Variants in TYW1 observed in about 807,000 individuals in gnomAD.
TYW1 encodes S-adenosyl-L-methionine-dependent tRNA 4-demethylwyosine synthase TYW1.
A neutral mutation model predicts 96.2 loss-of-function variants in TYW1; 46 were observed. The observed-to-expected ratio is 0.48, with a 90% CI of 0.38 to 0.61. TYW1 has a LOEUF of 0.61. Among genes scored for constraint, TYW1 ranks in the 20% least tolerant of loss-of-function variants. The pLI is 0.00. For missense variants in TYW1, 684 were observed against 909.6 expected (o/e 0.75, Z 3.19); for synonymous variants, 274 against 323.0 (o/e 0.85, Z 1.63).
intron 12 of TYW1, among the ~76,000 whole-genome samples, chr7:67,103,957 C>T (rs1797165055): frequency 6.6e-6 from 1 of 152,168 alleles, no homozygotes; most frequent in African/African-American, 2.4e-5. Context: ...TTTGACCTTA[C>T]ACACACACTA....
intron 15 of TYW1, among the ~76,000 whole-genome samples, chr7:67,210,464 C>T (rs890106436): frequency 1.3e-5 from 2 of 152,132 alleles, no homozygotes; most frequent in African/African-American, 2.4e-5. Flanking sequence ...ATACTGTGCT[C>T]TTTGGGAGGA....
rs1800985501 is a variant in TYW1, at chr7:67,210,823, TGTC to T, written c.1977+15487_1977+15489del. On this transcript the variant is annotated intron_variant, in intron 15 of 15. Coordinates refer to ENST00000359626, the MANE Select transcript of TYW1 (RefSeq NM_018264.4). Reference sequence around the variant, plus strand: ...TGTGTCTATCTGTCCAGCTAATCTCTGTCTATTCATCCATCTATCAATCCATCC... The same window carrying T: ...TGTGTCTATCTGTCCAGCTAATCTCTTATTCATCCATCTATCAATCCATCC... Among the ~76,000 whole-genome samples the T allele has an allele frequency of 3.6e-5, 3 of 82,644 alleles. No individual in the cohort carries two copies. The South Asian group carries it at 1.2e-3, about 34-fold the overall frequency. The allele number at this position is 82,644 out of a possible 152,430, so 54.2% of individuals were successfully genotyped here.
intron 10 of TYW1, among the ~76,000 whole-genome samples, chr7:67,075,983 C>T (rs1796190347): frequency 6.6e-6 from 1 of 152,174 alleles, no homozygotes. Flanking sequence ...TTCTTAGCTC[C>T]CACAATTTAG....
In TYW1 at chr7:67,183,156, G is replaced by A. The variant is rs754218013; in HGVS notation, c.1729G>A (p.Val577Met). The change falls in exon 14 of 16, where the codon GTG becomes ATG. Residue 577 changes from valine to methionine, a missense_variant. Coordinates refer to ENST00000359626, the MANE Select transcript of TYW1 (RefSeq NM_018264.4). ...QQRTVYRLTL[V>M]KAWNVDELQA... ...ACGAACTGTCTACAGACTGACGCTCGTGAAAGCATGGAACGTGGACGAGCT... is the reference window on the plus strand; with the variant it reads ...ACGAACTGTCTACAGACTGACGCTCATGAAAGCATGGAACGTGGACGAGCT... The A allele has an allele frequency of 2.2e-5, 36 of 1,612,396 alleles. No homozygotes were observed. The highest frequency in any genetic ancestry group is 3.0e-5 in the Non-Finnish European group (35 of 1,179,184).
intron 15 of TYW1, among the ~76,000 whole-genome samples, chr7:67,230,652 C>CTTTTTTTTTTTTTTTT (rs34585182): frequency 4.2e-5 from 5 of 119,554 alleles, no homozygotes; most frequent in Non-Finnish European, 6.7e-5. Context: ...CTTATTATCT[C>CTTTTTTTTTTTTTTTT]TTTTTTTTTT....
At chr7:67,200,678 C>A (rs3107880) in intron 15 of TYW1, among the ~76,000 whole-genome samples, 5 of 152,122 alleles carry the variant, frequency 3.3e-5, no homozygotes, top group African/African-American at 1.2e-4. Flanking sequence ...TAACAGAAAA[C>A]GACAAATATC....
intron 10 of TYW1, among the ~76,000 whole-genome samples, chr7:67,072,944 T>TTTG: frequency 8.8e-6 from 1 of 113,084 alleles, no homozygotes; most frequent in Non-Finnish European, 2.0e-5. Flanking sequence ...GTTTTTTTTT[T>TTTG]TTTTTTTTTT....
intron 9 of TYW1, among the ~76,000 whole-genome samples, chr7:67,066,301 C>G (rs981646849): frequency 2.0e-5 from 3 of 152,104 alleles, no homozygotes; most frequent in African/African-American, 7.2e-5. Flanking sequence ...TTCACTTGTA[C>G]TGAAATCAAG....
chr7:67,206,622 CATA>C (rs1286791603), intron 15 of TYW1, among the ~76,000 whole-genome samples: 1 of 143,418 alleles, frequency 7.0e-6, no homozygotes, highest in African/African-American at 2.6e-5. Context: ...CTGTCTCAAA[CATA>C]AATAAATAAA....
At chr7:67,056,042 T>A (rs1274189509) in intron 9 of TYW1, among the ~76,000 whole-genome samples, 155 bp downstream of exon 9, 2 of 152,252 alleles carry the variant, frequency 1.3e-5, no homozygotes, top group Non-Finnish European at 2.9e-5. Flanking sequence ...CAGCAAATTT[T>A]GATGTAGAAC....
chr7:67,229,190 T>G (rs1039638498), intron 15 of TYW1, among the ~76,000 whole-genome samples: 5 of 152,176 alleles, frequency 3.3e-5, no homozygotes, highest in African/African-American at 1.2e-4. Context: ...AGTAGGCTTT[T>G]CAGTGCACTC....
chr7:67,236,482 G>A (rs558801198), intron 15 of TYW1, among the ~76,000 whole-genome samples: 44 of 152,306 alleles, frequency 2.9e-4, no homozygotes, highest in Non-Finnish European at 5.0e-4. Context: ...GGGAAAAGGA[G>A]GTCACCTTTG....
chr7:67,029,645 G>A (rs374682145), intron 7 of TYW1, among the ~76,000 whole-genome samples: 7 of 151,662 alleles, frequency 4.6e-5, no homozygotes, highest in South Asian at 4.2e-4. Flanking sequence ...CTTTTTTGCC[G>A]GAATGACTCA....
chr7:67,225,349 G>T (rs1801528483), intron 15 of TYW1, among the ~76,000 whole-genome samples: 2 of 152,154 alleles, frequency 1.3e-5, no homozygotes, highest in Non-Finnish European at 2.9e-5. Context: ...GGAAACAGGA[G>T]ACAGAGTCCC....
At position 67,022,998 on chromosome 7, in the gene TYW1, T is replaced by G. The variant is rs541294912; in HGVS notation, c.862-1902T>G. ...TGTTTTATTTTGTATTGAACACTTA[T>G]CAGCAGCATCTGATTATATGACATC... On this transcript the variant is annotated intron_variant, in intron 6 of 15. Coordinates refer to ENST00000359626, the MANE Select transcript of TYW1 (RefSeq NM_018264.4). 2.0e-3 allele frequency among the ~76,000 whole-genome samples: 311 copies of G among 152,336 alleles called. 1 individual carries two copies. The highest frequency in any genetic ancestry group is 2.6e-3 in the Non-Finnish European group (180 of 68,030).
chr7:67,101,233 G>T (rs1488955737), intron 12 of TYW1, among the ~76,000 whole-genome samples: 1 of 152,146 alleles, frequency 6.6e-6, no homozygotes, highest in Non-Finnish European at 1.5e-5. Flanking sequence ...AAGTTTGGCA[G>T]TTACCCAAGA....
chr7:67,156,917 G>T (rs1174252730), intron 13 of TYW1, among the ~76,000 whole-genome samples: 1 of 151,758 alleles, frequency 6.6e-6, no homozygotes, highest in Non-Finnish European at 1.5e-5. Flanking sequence ...TGGGGGTAGG[G>T]TTGCAGGTGT....
chr7:67,237,738 A>C (rs1481635217), intron 15 of TYW1, among the ~76,000 whole-genome samples: 1 of 152,090 alleles, frequency 6.6e-6, no homozygotes, highest in Non-Finnish European at 1.5e-5. Context: ...AAGAGAGTAC[A>C]AATTGGATTA....
intron 7 of TYW1, among the ~76,000 whole-genome samples, chr7:67,044,835 G>T (rs923604260): frequency 6.6e-6 from 1 of 151,862 alleles, no homozygotes; most frequent in Non-Finnish European, 1.5e-5. Flanking sequence ...GGCCAGACTG[G>T]TCTCAAACTG....
Sources: allele counts gnomAD v4.1 joint callset (sites outside exome capture counted in the v4.1 genomes callset), GRCh38; gene constraint gnomAD v4.1.1; transcripts MANE v1.5; gene names NCBI Gene and HGNC (gene_info 2026-07-23, HGNC 2026-07-21).